Variants in MAGI2 observed in about 807,000 individuals in gnomAD.
MAGI2 encodes the protein membrane-associated guanylate kinase, WW and PDZ domain-containing protein 2.
A neutral mutation model predicts 133.3 loss-of-function variants in MAGI2; 35 were observed. The ratio of observed to expected loss-of-function variants is 0.26; its 90% confidence interval spans 0.20 to 0.35. MAGI2 has a LOEUF of 0.35. Ranked by LOEUF, MAGI2 falls within the 10% of genes least tolerant of loss-of-function variation. MAGI2 has a pLI of 1.00. For synonymous variants in MAGI2, 729 were observed against 710.6 expected, an observed-to-expected ratio of 1.03 and a Z score of -0.41; for missense variants, 1,636 against 1,863.4, an observed-to-expected ratio of 0.88 and a Z score of 2.25.
At chr7:78,420,530 A>G (rs1028475816) in intron 6 of MAGI2, among the ~76,000 whole-genome samples, 3 of 148,898 alleles carry the variant, frequency 2.0e-5, no homozygotes, top group African/African-American at 7.4e-5. Flanking sequence ...GTTTGACTCA[A>G]CCTACAATGG....
intron 2 of MAGI2, among the ~76,000 whole-genome samples, chr7:78,986,498 T>A (rs576112207): frequency 6.6e-6 from 1 of 151,958 alleles, no homozygotes; most frequent in Non-Finnish European, 1.5e-5. Flanking sequence ...TCTTTTTTTT[T>A]CCAATCTAGT....
intron 3 of MAGI2, among the ~76,000 whole-genome samples, chr7:78,577,420 G>C (rs938901026): frequency 2.0e-5 from 3 of 152,106 alleles, no homozygotes; most frequent in African/African-American, 7.2e-5. Flanking sequence ...CATAAAGGTT[G>C]AATTGTTTTA....
At chr7:78,410,539 T>A (rs961399966) in intron 6 of MAGI2, among the ~76,000 whole-genome samples, 1 of 152,042 alleles carries the variant, frequency 6.6e-6, no homozygotes, top group Non-Finnish European at 1.5e-5. Flanking sequence ...AAAATTAGTC[T>A]CAGTAACTAT....
chr7:79,048,534 TA>T (rs1374339561), intron 1 of MAGI2, among the ~76,000 whole-genome samples: 5 of 152,250 alleles, frequency 3.3e-5, no homozygotes, highest in Non-Finnish European at 5.9e-5. Context: ...CTTATCACAT[TA>T]AATATTTAGA....
At chr7:79,447,523 C>G (rs142320959) in intron 1 of MAGI2, among the ~76,000 whole-genome samples, 4 of 151,818 alleles carry the variant, frequency 2.6e-5, no homozygotes. Context: ...ATTAATTCAA[C>G]GAAAATGCTA....
intron 6 of MAGI2, among the ~76,000 whole-genome samples, chr7:78,452,947 A>C (rs539236030): frequency 1.3e-5 from 2 of 152,256 alleles, no homozygotes; most frequent in South Asian, 4.1e-4. Context: ...CTCCTGAAAA[A>C]AAAATCACAC....
intron 2 of MAGI2, among the ~76,000 whole-genome samples, chr7:78,638,309 G>A (rs977497750): frequency 1.3e-5 from 2 of 152,082 alleles, no homozygotes; most frequent in Non-Finnish European, 2.9e-5. Flanking sequence ...AGACAAACTA[G>A]GGCAAAGTGA....
At chr7:78,417,313 A>AT in intron 6 of MAGI2, among the ~76,000 whole-genome samples, 1 of 151,642 alleles carries the variant, frequency 6.6e-6, no homozygotes, top group East Asian at 1.9e-4. Flanking sequence ...CTAAAAAAAA[A>AT]AAAATATTCA....
intron 6 of MAGI2, among the ~76,000 whole-genome samples, chr7:78,390,962 T>C (rs1795847215): frequency 6.6e-6 from 1 of 152,122 alleles, no homozygotes; most frequent in Non-Finnish European, 1.5e-5. Flanking sequence ...TGGGTGAGGG[T>C]GGGAGATGGA....
At chr7:78,593,148 T>A (rs1394336336) in intron 3 of MAGI2, among the ~76,000 whole-genome samples, 2 of 151,760 alleles carry the variant, frequency 1.3e-5, no homozygotes, top group East Asian at 1.9e-4. Context: ...TTCTTTTTTT[T>A]AAAGCAATTA....
At chr7:78,969,818 G>A (rs1477807726) in intron 2 of MAGI2, among the ~76,000 whole-genome samples, 2 of 152,010 alleles carry the variant, frequency 1.3e-5, no homozygotes, top group Admixed American at 1.3e-4. Flanking sequence ...CATAGTAACG[G>A]TGATAATGTT....
At chr7:78,199,499 T>C (rs1334148782) in intron 11 of MAGI2, among the ~76,000 whole-genome samples, 1 of 152,184 alleles carries the variant, frequency 6.6e-6, no homozygotes, top group Non-Finnish European at 1.5e-5. Flanking sequence ...ATTTTACAGA[T>C]ATAGAACTTG....
intron 2 of MAGI2, among the ~76,000 whole-genome samples, chr7:78,670,945 T>C (rs1219707584): frequency 6.6e-6 from 1 of 152,188 alleles, no homozygotes; most frequent in South Asian, 2.1e-4. Flanking sequence ...TATCACATAA[T>C]GAGTAAAGCC....
At chr7:78,186,091 A>G (rs879638918) in intron 12 of MAGI2, among the ~76,000 whole-genome samples, 4 of 152,198 alleles carry the variant, frequency 2.6e-5, no homozygotes, top group Non-Finnish European at 5.9e-5. Context: ...GGAAAATCCA[A>G]TCAATGATTG....
At chr7:79,255,043 T>C (rs1833584097) in intron 1 of MAGI2, among the ~76,000 whole-genome samples, 1 of 152,176 alleles carries the variant, frequency 6.6e-6, no homozygotes, top group Admixed American at 6.5e-5. Flanking sequence ...ACTTCTCAAA[T>C]TATTTCTAGT....
intron 3 of MAGI2, among the ~76,000 whole-genome samples, chr7:78,567,393 TACAC>T (rs34795351): frequency 2.8e-4 from 41 of 148,144 alleles, no homozygotes; most frequent in East Asian, 5.9e-4. Flanking sequence ...GCCTACACAC[TACAC>T]ACACACACAC....
intron 3 of MAGI2, among the ~76,000 whole-genome samples, chr7:78,533,444 T>C (rs1465429858): frequency 1.3e-5 from 2 of 152,112 alleles, no homozygotes; most frequent in Non-Finnish European, 2.9e-5. Flanking sequence ...GAAGAGGAAG[T>C]GTCATGTGTA....
At position 79,305,026 on chromosome 7, in the gene MAGI2, C is replaced by T. The variant is rs145900427; in HGVS notation, c.301+147994G>A. Among the ~76,000 whole-genome samples, 240 of 152,102 alleles carry T rather than the reference C, an allele frequency of 1.6e-3. 1 individual carries two copies. The highest frequency in any genetic ancestry group is 5.2e-3 in the African/African-American group (216 of 41,482). ...AAACAATTCTCCCATCACTATGGAG[C>T]GATGATGGAAATCAGCATGGGAAAA... On this transcript the variant is annotated intron_variant, in intron 1 of 21. Coordinates refer to ENST00000354212, the MANE Select transcript of MAGI2 (RefSeq NM_012301.4).
intron 11 of MAGI2, among the ~76,000 whole-genome samples, chr7:78,196,081 G>A (rs1033272318): frequency 1.8e-4 from 28 of 152,122 alleles, no homozygotes; most frequent in Admixed American, 7.2e-4. Context: ...TGGCTGATGG[G>A]CTGGCTTCTC....
Sources: gnomAD v4.1 joint callset for allele counts (sites outside exome capture counted in the v4.1 genomes callset) on GRCh38, gnomAD v4.1.1 for gene constraint, MANE v1.5 for transcripts, NCBI Gene and HGNC (gene_info 2026-07-23, HGNC 2026-07-21) for gene names.